CNTNAP2: variants seen among roughly 807,000 people sequenced by gnomAD.
CNTNAP2 encodes contactin-associated protein-like 2.
A neutral mutation model predicts 155.2 loss-of-function variants in CNTNAP2; 98 were observed. That is an observed-to-expected ratio of 0.63 (90% CI 0.54 to 0.75). The LOEUF is 0.75. Ranked by LOEUF, CNTNAP2 falls within the 30% of genes least tolerant of loss-of-function variation. The pLI is 0.00. For synonymous variants in CNTNAP2, 651 were observed against 631.2 expected (o/e 1.03, Z -0.47); for missense variants, 1,727 against 1,688.1 (o/e 1.02, Z -0.40).
At chr7:148,101,793 TCAGATTAGCGTA>T (rs1196714553) in intron 15 of CNTNAP2, among the ~76,000 whole-genome samples, 1 of 152,180 alleles carries the variant, frequency 6.6e-6, no homozygotes, top group Non-Finnish European at 1.5e-5. Context: ...CTACTCAGTT[TCAGATTAGCGTA>T]ACCCACAGCA....
rs117865280 is a variant in CNTNAP2, at chr7:148,144,780, A to C, written c.2555-2711A>C. ...TTTTCACAGGCAGAAACAGGGCAAC[A>C]CTTCAGTCTCCAACTGGAGACACAC... On this transcript the variant is annotated intron_variant, in intron 16 of 23. Transcript: ENST00000361727. Among the ~76,000 whole-genome samples, 186 of 152,322 alleles carry C rather than the reference A, an allele frequency of 1.2e-3. 5 individuals carry two copies. The East Asian group carries it at 0.029, about 24-fold the overall frequency.
chr7:146,591,815 C>T (rs1212110196), intron 1 of CNTNAP2, among the ~76,000 whole-genome samples: 2 of 152,150 alleles, frequency 1.3e-5, no homozygotes, highest in African/African-American at 4.8e-5. Flanking sequence ...TCCAGTCCTG[C>T]CTGAGTCCTG....
chr7:146,934,856 C>A (rs12703858), intron 3 of CNTNAP2, among the ~76,000 whole-genome samples: 53,056 of 151,886 alleles, frequency 0.35, 9,903 homozygotes, highest in Middle Eastern at 0.43. Flanking sequence ...CAGAGATCAC[C>A]GTGCTGTGGA....
intron 1 of CNTNAP2, among the ~76,000 whole-genome samples, chr7:146,132,337 A>T (rs925951171): frequency 6.6e-6 from 1 of 152,226 alleles, no homozygotes; most frequent in African/African-American, 2.4e-5. Context: ...GCTAATATGC[A>T]TATAAACTAC....
At chr7:148,143,941 G>C (rs1252431314) in intron 16 of CNTNAP2, among the ~76,000 whole-genome samples, 2 of 152,202 alleles carry the variant, frequency 1.3e-5, no homozygotes, top group African/African-American at 4.8e-5. Context: ...CAAGGAGCCT[G>C]GAATTGCCAT....
rs1797873718 is a variant in CNTNAP2 at position 146,536,647 on chromosome 7, T to A, written c.98-237624T>A. 3.5e-5 allele frequency among the ~76,000 whole-genome samples: 5 copies of A among 144,558 alleles called. No individual in the cohort carries two copies. The South Asian group carries it at 1.1e-3, about 31-fold the overall frequency. 94.8% of individuals were successfully genotyped at this position (144,558 alleles called of 152,430 possible). On this transcript the variant is annotated intron_variant, in intron 1 of 23. Transcript: ENST00000361727. ...ATTTGTAGCTTTATGGAAAAGAAAC[T>A]AATGCATCTAGAGCAGAAAAAAATA...
At chr7:147,557,210 G>A (rs143154104) in intron 11 of CNTNAP2, among the ~76,000 whole-genome samples, 1,621 of 152,060 alleles carry the variant, frequency 0.011, 32 homozygotes, top group African/African-American at 0.036. Context: ...ATTGCAGTGA[G>A]CCGAGATTGC....
chr7:146,673,853 G>T (rs1293828666), intron 1 of CNTNAP2, among the ~76,000 whole-genome samples: 1 of 152,108 alleles, frequency 6.6e-6, no homozygotes, highest in Admixed American at 6.6e-5. Flanking sequence ...AAAGTGCTGG[G>T]GTTATAGGCA....
chr7:146,363,380 G>T (rs1315473111), intron 1 of CNTNAP2, among the ~76,000 whole-genome samples: 1 of 151,902 alleles, frequency 6.6e-6, no homozygotes, highest in Non-Finnish European at 1.5e-5. Flanking sequence ...ACTGTTAAAG[G>T]TTGTGCATAA....
intron 1 of CNTNAP2, among the ~76,000 whole-genome samples, chr7:146,736,813 G>C (rs751885528): frequency 6.6e-6 from 1 of 152,166 alleles, no homozygotes; most frequent in African/African-American, 2.4e-5. Flanking sequence ...TGGATCATAT[G>C]AGTAAGGTCA....
chr7:147,976,939 T>C (rs1211911650), intron 14 of CNTNAP2, among the ~76,000 whole-genome samples: 1 of 152,172 alleles, frequency 6.6e-6, no homozygotes, highest in Non-Finnish European at 1.5e-5. Context: ...AAGGGTAAAT[T>C]TGAGGAATGA....
intron 21 of CNTNAP2, among the ~76,000 whole-genome samples, chr7:148,293,538 C>A (rs1388943684): frequency 6.6e-6 from 1 of 152,044 alleles, no homozygotes; most frequent in African/African-American, 2.4e-5. Flanking sequence ...GGATATAATC[C>A]CCCAAAATTA....
intron 13 of CNTNAP2, among the ~76,000 whole-genome samples, chr7:147,682,842 TTTTG>T (rs1483379701): frequency 2.0e-5 from 3 of 151,988 alleles, no homozygotes; most frequent in African/African-American, 7.2e-5. Context: ...TTAGAATTAT[TTTTG>T]TGCCCAGTTA....
chr7:146,961,532 T>C (rs1471390945), intron 3 of CNTNAP2, among the ~76,000 whole-genome samples: 1 of 152,214 alleles, frequency 6.6e-6, no homozygotes, highest in Non-Finnish European at 1.5e-5. Flanking sequence ...TTTTACACCC[T>C]CTACCCTGAA....
At chr7:146,770,430 T>C (rs1802274219) in intron 1 of CNTNAP2, among the ~76,000 whole-genome samples, 1 of 151,844 alleles carries the variant, frequency 6.6e-6, no homozygotes, top group African/African-American at 2.4e-5. Context: ...ATTAATGTCC[T>C]CCAGGGAAAA....
intron 12 of CNTNAP2, among the ~76,000 whole-genome samples, chr7:147,630,780 C>T (rs11505677): frequency 0.2 from 29,826 of 151,974 alleles, 3,119 homozygotes; most frequent in Middle Eastern, 0.23. Context: ...CATCCCTTTA[C>T]GAATAAAACC....
At chr7:147,283,861 T>C (rs1805111700) in intron 8 of CNTNAP2, among the ~76,000 whole-genome samples, 1 of 151,926 alleles carries the variant, frequency 6.6e-6, no homozygotes, top group Non-Finnish European at 1.5e-5. Flanking sequence ...CTTAGTTCTT[T>C]CTATGGTCCT....
intron 8 of CNTNAP2, among the ~76,000 whole-genome samples, chr7:147,186,047 G>A (rs557143345): frequency 3.3e-5 from 5 of 152,256 alleles, no homozygotes; most frequent in East Asian, 1.9e-4. Context: ...TCTCTGGTAC[G>A]TCTTTATTAG....
intron 9 of CNTNAP2, among the ~76,000 whole-genome samples, chr7:147,374,947 G>T (rs1226490580): frequency 1.3e-5 from 2 of 151,980 alleles, no homozygotes; most frequent in Admixed American, 6.6e-5. Context: ...ATCCCCACAG[G>T]TTGAGGGAAG....
Sources: gnomAD v4.1 joint callset for allele counts (sites outside exome capture counted in the v4.1 genomes callset) on GRCh38, gnomAD v4.1.1 for gene constraint, MANE v1.5 for transcripts, NCBI Gene and HGNC (gene_info 2026-07-23, HGNC 2026-07-21) for gene names.